Variants in HMCN2 observed in about 807,000 individuals in gnomAD.
HMCN2 encodes hemicentin-2.
In HMCN2, 325 loss-of-function variants were observed where a neutral mutation model predicts 377.5. The observed-to-expected ratio is 0.86, with a 90% CI of 0.79 to 0.94. HMCN2 has a LOEUF of 0.94. HMCN2 is among the 40% of genes least tolerant of loss of function. HMCN2 has a pLI of 0.00. For synonymous variants in HMCN2, 2,007 were observed against 2,046.8 expected (o/e 0.98, Z 0.53); for missense variants, 4,543 against 4,725.3 (o/e 0.96, Z 1.13).
Position 130,368,429 on chromosome 9 carries a change from AG to A in HMCN2, c.6781del (p.Val2261CysfsTer39). On this transcript the variant is annotated frameshift_variant, in exon 44 of 98. Coordinates refer to ENST00000683500, the MANE Select transcript of HMCN2 (RefSeq NM_001291815.2). LOFTEE classifies it high-confidence loss of function. Reference sequence around the variant, plus strand: ...AACAGCAGCCAGGACCTGCAGCTGGAGGTGCACGGTGGGTGAGCTGGGCGGG... The same window carrying A: ...AACAGCAGCCAGGACCTGCAGCTGGAGTGCACGGTGGGTGAGCTGGGCGGG... ...VGNSSQDLQL[E>X]VHVPPQIAGP... 1 of 986,088 alleles carries A rather than the reference AG, an allele frequency of 1.0e-6. No individual in the cohort carries two copies. The highest frequency in any genetic ancestry group is 1.2e-6 in the Non-Finnish European group (1 of 830,266). The allele number at this position is 986,088 out of a possible 1,614,324, so 61.1% of individuals were successfully genotyped here. A position where few individuals can be genotyped will look rare whatever the true frequency, so the allele number is the denominator to read the frequency against.
chr9:130,392,614 G>T (rs550469161), intron 66 of HMCN2, among the ~76,000 whole-genome samples: 1 of 152,154 alleles, frequency 6.6e-6, no homozygotes, highest in South Asian at 2.1e-4. Flanking sequence ...GAGGCAGGAG[G>T]TCTGGCTTCA....
At chr9:130,431,077 C>G (rs1053739613) in intron 95 of HMCN2, 2 of 527,912 alleles carry the variant, frequency 3.8e-6, no homozygotes, top group Non-Finnish European at 6.8e-6. Flanking sequence ...TGGCCTGCCC[C>G]AGGGCTGATG....
In HMCN2 at chr9:130,363,383, T is replaced by G. The variant is rs73549579; in HGVS notation, c.6232+393T>G. ...TTCTCTCGGCCACCATTTCTTCATCTGCAAAATGAGAAGAATAGCACTCAC... is the reference window on the plus strand; with the variant it reads ...TTCTCTCGGCCACCATTTCTTCATCGGCAAAATGAGAAGAATAGCACTCAC... On this transcript the variant is annotated intron_variant, in intron 40 of 97. Transcript: ENST00000683500. 3.8e-3 allele frequency among the ~76,000 whole-genome samples: 575 copies of G among 152,296 alleles called. 5 individuals are homozygous for G. The highest frequency in any genetic ancestry group is 0.013 in the African/African-American group (547 of 41,570).
Position 130,361,740 on chromosome 9 carries a change from G to A in HMCN2, c.5951-268G>A, listed in dbSNP as rs1164111820. 2.0e-5 allele frequency among the ~76,000 whole-genome samples: 3 copies of A among 152,192 alleles called. No individual in the cohort carries two copies. The highest frequency in any genetic ancestry group is 6.5e-5 in the Admixed American group (1 of 15,282). On this transcript the variant is annotated intron_variant, in intron 38 of 97. Transcript: ENST00000683500. The surrounding 1 kb of genome is among the most constrained non-coding windows in gnomAD (Gnocchi z 4.8). ...TTCTGCTGACCAGAGGCCTGAGTGCGAGTGCTGCTTCCTGGGTGGTCAGCC... is the reference window on the plus strand; with the variant it reads ...TTCTGCTGACCAGAGGCCTGAGTGCAAGTGCTGCTTCCTGGGTGGTCAGCC...
chr9:130,384,513 G>A lies in HMCN2; in HGVS notation c.8971G>A (p.Glu2991Lys). Residue 2991 changes from glutamate (E) to lysine (K), a missense_variant, in exon 58 of 98, where the codon GAA becomes AAA. Transcript: ENST00000683500. ...GGACAGCCAGGCCCTCTCCCTGGGT[G>A]AAGAGGTCTTCCTCCTGCCTGGTGG... ...YKDSQALSLG[E>K]EVFLLPGTHT... 2 of 1,304,280 alleles carry A rather than the reference G, an allele frequency of 1.5e-6. No homozygotes were observed. The highest frequency in any genetic ancestry group is 1.2e-5 in the South Asian group (1 of 81,028). The allele number at this position is 1,304,280 out of a possible 1,614,324, so 80.8% of individuals were successfully genotyped here.
intron 15 of HMCN2, among the ~76,000 whole-genome samples, chr9:130,314,229 G>C (rs1265514145): frequency 6.6e-6 from 1 of 152,222 alleles, no homozygotes; most frequent in Non-Finnish European, 1.5e-5. Context: ...CCTTTGGGGA[G>C]GGGAGTTGGG....
intron 19 of HMCN2, among the ~76,000 whole-genome samples, chr9:130,325,096 C>CTTTTTTT (rs878863979): frequency 8.6e-5 from 11 of 128,060 alleles, no homozygotes; most frequent in East Asian, 2.2e-4. Flanking sequence ...TCTTCTTCTT[C>CTTTTTTT]TTTTTTTTTT....
At chr9:130,300,303 A>G (rs1237209778) in intron 8 of HMCN2, among the ~76,000 whole-genome samples, 1 of 152,226 alleles carries the variant, frequency 6.6e-6, no homozygotes, top group South Asian at 2.1e-4. Flanking sequence ...TCTACTCAGC[A>G]TTCATTTTGA....
In HMCN2 at chr9:130,376,527, A is replaced by G. The variant is rs796270390; in HGVS notation, c.7930A>G (p.Ile2644Val). 9 of 985,332 alleles carry G rather than the reference A, an allele frequency of 9.1e-6. No homozygotes were observed. Among genetic ancestry groups the G allele is most frequent in the African/African-American group, 3.5e-5 (2 of 57,100 alleles). The allele number at this position is 985,332 out of a possible 1,614,324, so 61.0% of individuals were successfully genotyped here. A position where few individuals can be genotyped will look rare whatever the true frequency, so the allele number is the denominator to read the frequency against. Residue 2644 changes from isoleucine (I) to valine (V), a missense_variant, in exon 52 of 98, where the codon ATC becomes GTC. Physicochemically the swap from Ile to Val is conservative, Grantham distance 29. Transcript: ENST00000683500. ...YHVEVLIPPSISKDDPLAEVG... is the reference protein window; with the variant it reads ...YHVEVLIPPSVSKDDPLAEVG... The stretch of plus-strand genomic sequence containing the variant: ...CTCGTGCTTTTCAGTCCCCCCTTCC[A>G]TCTCCAAAGACGACCCCTTGGCGGA...
chr9:130,278,699 CAGCCTCCCAAGT>C (rs1241507684), intron 1 of HMCN2, among the ~76,000 whole-genome samples: 1 of 151,970 alleles, frequency 6.6e-6, no homozygotes, highest in Non-Finnish European at 1.5e-5. Flanking sequence ...TCTTCTGACT[CAGCCTCCCAAGT>C]AGCTGGGATT....
chr9:130,277,507 C>G (rs899977451), intron 1 of HMCN2, among the ~76,000 whole-genome samples: 3 of 152,194 alleles, frequency 2.0e-5, no homozygotes, highest in African/African-American at 7.2e-5. Context: ...GGTTGTAATT[C>G]CTTGGGCAGC....
intron 96 of HMCN2, 106 bp from the exon 97 acceptor site, chr9:130,432,323 C>A: frequency 9.8e-7 from 1 of 1,022,858 alleles, no homozygotes; most frequent in Non-Finnish European, 1.5e-6. Context: ...AGAAGGGCTG[C>A]CCACCTCACT....
chr9:130,386,921 C>G (rs2131657646), intron 61 of HMCN2, among the ~76,000 whole-genome samples: 1 of 152,364 alleles, frequency 6.6e-6, no homozygotes, highest in Non-Finnish European at 1.5e-5. Flanking sequence ...CTAAGGTTTA[C>G]CTTCAGTGAA....
In HMCN2 at chr9:130,309,938, G is replaced by C. The variant is rs782526544; in HGVS notation, c.2227G>C (p.Glu743Gln). ...RGGLEMILAP[E>Q]GSSSGKLRIP... ...GGGTCTTGAAATGATCCTGGCCCCT[G>C]AGGGCTCCAGCTCTGGGAAGCTGCG... The change falls in exon 15 of 98, where the codon GAG (glutamate) becomes CAG (glutamine). Residue 743 changes from glutamate to glutamine, a missense_variant. Glu to Gln is a conservative substitution (Grantham distance 29). Coordinates refer to ENST00000683500, the MANE Select transcript of HMCN2 (RefSeq NM_001291815.2). 2 of 521,772 alleles carry C rather than the reference G, an allele frequency of 3.8e-6. No homozygotes were observed. Among genetic ancestry groups the C allele is most frequent in the Admixed American group, 4.1e-5 (2 of 49,374 alleles). 32.3% of individuals were successfully genotyped at this position (521,772 alleles called of 1,614,324 possible).
Position 130,347,261 on chromosome 9 carries a change from T to C in HMCN2, c.3925T>C (p.Phe1309Leu), listed in dbSNP as rs1402912381. 1 of 151,788 alleles carries C rather than the reference T, an allele frequency of 6.6e-6. No homozygotes were observed. The highest frequency in any genetic ancestry group is 2.4e-5 in the African/African-American group (1 of 41,246). 9.4% of individuals were successfully genotyped at this position (151,788 alleles called of 1,614,324 possible). Residue 1309 changes from phenylalanine (F) to leucine (L), a missense_variant, in exon 26 of 98, where the codon TTC (phenylalanine) becomes CTC (leucine). This residue lies in a region of HMCN2 where 547 missense variants were observed against 189.9 expected (regional missense o/e 2.88). Coordinates refer to ENST00000683500, the MANE Select transcript of HMCN2 (RefSeq NM_001291815.2). The surrounding 1 kb of genome is among the most constrained non-coding windows in gnomAD (Gnocchi z 5.1). Reference protein sequence around the residue: ...GVAVLEEGSLFLASVSPADSG... With the variant: ...GVAVLEEGSLLLASVSPADSG... Reference sequence around the variant, plus strand: ...GGCAGTGCTGGAGGAGGGGTCTCTGTTCCTGGCCTCCGTCTCACCTGCGGA... The same window carrying C: ...GGCAGTGCTGGAGGAGGGGTCTCTGCTCCTGGCCTCCGTCTCACCTGCGGA...
chr9:130,274,052 A>AT (rs1834543629), intron 1 of HMCN2, among the ~76,000 whole-genome samples: 2 of 143,466 alleles, frequency 1.4e-5, no homozygotes, highest in African/African-American at 5.4e-5. Flanking sequence ...GTGATACATT[A>AT]ATTTTTTTTT....
At chr9:130,350,388 C>CAAAAAAAAAAAAAAAA (rs1187309511) in intron 29 of HMCN2, among the ~76,000 whole-genome samples, 1 of 89,692 alleles carries the variant, frequency 1.1e-5, no homozygotes, top group Admixed American at 1.4e-4. Flanking sequence ...CAAAAAAATA[C>CAAAAAAAAAAAAAAAA]AAAAAAAAAA....
At chr9:130,275,848 C>G (rs1249913467) in intron 1 of HMCN2, among the ~76,000 whole-genome samples, 1 of 84,610 alleles carries the variant, frequency 1.2e-5, no homozygotes, top group Non-Finnish European at 2.2e-5. Flanking sequence ...CTGGGCACGT[C>G]CCTCCTTGGA....
In HMCN2 at chr9:130,369,653, G is replaced by A. The variant is rs1005715759; in HGVS notation, c.6871G>A (p.Ala2291Thr). The A allele has an allele frequency of 8.1e-6, 8 of 985,796 alleles. No individual in the cohort carries two copies. In the African/African-American group the frequency reaches 1.4e-4, roughly 17 times the overall value. 61.1% of individuals were successfully genotyped at this position (985,796 alleles called of 1,614,324 possible). ...TGGAGTGGCCACTCTGGAGTGCAAC[G>A]CCACAGGGAAACCCCCTCCGACAGT... ...QDGVATLECN[A>T]TGKPPPTVTW... The change falls in exon 45 of 98, where the codon GCC becomes ACC. Residue 2291 changes from alanine (A) to threonine (T), a missense_variant. Ala to Thr is a moderately conservative substitution (Grantham distance 58, BLOSUM62 0). Coordinates refer to ENST00000683500, the MANE Select transcript of HMCN2 (RefSeq NM_001291815.2). The surrounding 1 kb of genome is among the most constrained non-coding windows in gnomAD (Gnocchi z 4.5).
Sources: allele counts gnomAD v4.1 joint callset (sites outside exome capture counted in the v4.1 genomes callset), GRCh38; gene constraint gnomAD v4.1.1; regional missense constraint gnomAD v4.1.1; non-coding constraint Gnocchi (gnomAD v3.1); transcripts MANE v1.5; gene names NCBI Gene and HGNC (gene_info 2026-07-23, HGNC 2026-07-21).